Variants in ZFAND3 observed in about 807,000 individuals in gnomAD.
ZFAND3 encodes AN1-type zinc finger protein 3.
In ZFAND3, 10 loss-of-function variants were observed where a neutral mutation model predicts 29.6. The ratio of observed to expected loss-of-function variants is 0.34; its 90% CI spans 0.21 to 0.57. The LOEUF is 0.57. Ranked by LOEUF, ZFAND3 falls within the 20% of genes least tolerant of loss-of-function variation. The pLI is 0.86. For synonymous variants in ZFAND3, 128 were observed against 112.6 expected (o/e 1.14, Z -0.87); for missense variants, 230 against 304.5 (o/e 0.76, Z 1.82).
intron 2 of ZFAND3, among the ~76,000 whole-genome samples, chr6:37,949,597 C>T (rs560885388): frequency 6.6e-6 from 1 of 152,330 alleles, no homozygotes; most frequent in South Asian, 2.1e-4. Context: ...TTCTGACACA[C>T]ACATCAAGTT....
intron 5 of ZFAND3, among the ~76,000 whole-genome samples, chr6:38,145,084 A>G (rs1581958557): frequency 6.6e-6 from 1 of 152,188 alleles, no homozygotes; most frequent in Non-Finnish European, 1.5e-5. Flanking sequence ...CCAAGGGTAG[A>G]GGCCTCACCT....
At chr6:37,962,584 A>G (rs1434383678) in intron 2 of ZFAND3, among the ~76,000 whole-genome samples, 2 of 152,200 alleles carry the variant, frequency 1.3e-5, no homozygotes, top group African/African-American at 2.4e-5. Flanking sequence ...CTCTGTGTCT[A>G]GCTAAAGGTT....
chr6:37,963,107 T>C (rs115180948), intron 2 of ZFAND3, among the ~76,000 whole-genome samples: 1 of 152,114 alleles, frequency 6.6e-6, no homozygotes, highest in Admixed American at 6.5e-5. Context: ...CTTTATGAAC[T>C]GTAACACTCG....
chr6:38,024,587 G>A (rs1489412979), intron 2 of ZFAND3, among the ~76,000 whole-genome samples: 1 of 152,174 alleles, frequency 6.6e-6, no homozygotes, highest in Admixed American at 6.5e-5. Context: ...TAAATAAATG[G>A]TGGTATATCC....
At chr6:37,902,169 C>T (rs1360361019) in intron 1 of ZFAND3, among the ~76,000 whole-genome samples, 1 of 152,062 alleles carries the variant, frequency 6.6e-6, no homozygotes, top group Non-Finnish European at 1.5e-5. Context: ...AGCATTATGG[C>T]CAGGTACAGT....
chr6:38,041,241 G>C lies in ZFAND3; in HGVS notation c.113-20352G>C, dbSNP rs546333892. Among the ~76,000 whole-genome samples, 470 of 152,236 alleles carry C rather than the reference G, an allele frequency of 3.1e-3. 3 individuals are homozygous for C. The highest frequency in any genetic ancestry group is 0.011 in the African/African-American group (447 of 41,538). ...AGGAAGCATGTGATTAAGGTAGTGTGCTCATGTCTCTCCACTATAAAATTC... is the reference window on the plus strand; with the variant it reads ...AGGAAGCATGTGATTAAGGTAGTGTCCTCATGTCTCTCCACTATAAAATTC... On this transcript the variant is annotated intron_variant, in intron 2 of 5. Transcript: ENST00000287218.
At chr6:38,062,805 G>A (rs1400205265) in intron 3 of ZFAND3, 1 of 152,100 alleles carries the variant, frequency 6.6e-6, no homozygotes, top group East Asian at 1.9e-4. Context: ...AAATTATAGG[G>A]ATATTATGAC....
intron 2 of ZFAND3, among the ~76,000 whole-genome samples, chr6:38,007,558 AG>A (rs1561964143): frequency 6.6e-6 from 1 of 152,186 alleles, no homozygotes; most frequent in East Asian, 1.9e-4. Context: ...TTAAAAAAAA[AG>A]ATCACTTAGT....
chr6:37,957,539 T>C (rs142554476), intron 2 of ZFAND3, among the ~76,000 whole-genome samples: 81 of 152,280 alleles, frequency 5.3e-4, no homozygotes, highest in African/African-American at 1.9e-3. Flanking sequence ...TAATAAAATA[T>C]ATTGGTAAGC....
At chr6:38,079,800 A>G (rs1370229435) in intron 3 of ZFAND3, among the ~76,000 whole-genome samples, 1 of 152,116 alleles carries the variant, frequency 6.6e-6, no homozygotes, top group Non-Finnish European at 1.5e-5. Flanking sequence ...CTGGTTTATA[A>G]AAGTACACTA....
chr6:37,917,557 T>G (rs1027838104), intron 1 of ZFAND3, among the ~76,000 whole-genome samples: 7 of 152,358 alleles, frequency 4.6e-5, no homozygotes, highest in Non-Finnish European at 1.0e-4. Flanking sequence ...GAGGCAGAGA[T>G]AGAAAAGATG....
chr6:37,921,810 C>T (rs1354120598), intron 1 of ZFAND3, among the ~76,000 whole-genome samples: 1 of 150,650 alleles, frequency 6.6e-6, no homozygotes, highest in Non-Finnish European at 1.5e-5. Flanking sequence ...CTTTGGGTGG[C>T]TGAGGCAGGT....
intron 2 of ZFAND3, among the ~76,000 whole-genome samples, chr6:37,962,919 C>G (rs1762224080): frequency 6.6e-6 from 1 of 151,802 alleles, no homozygotes; most frequent in Non-Finnish European, 1.5e-5. Context: ...AGCGAGACCA[C>G]GAACCCACTG....
At chr6:37,957,172 T>TC (rs752749507) in intron 2 of ZFAND3, among the ~76,000 whole-genome samples, 2 of 152,112 alleles carry the variant, frequency 1.3e-5, no homozygotes, top group Non-Finnish European at 2.9e-5. Flanking sequence ...TTAAGCAAGT[T>TC]CCCCCCCTTT....
rs572334249 is a variant in ZFAND3 at position 37,839,780 on chromosome 6, T to C, written c.71+19764T>C. On this transcript the variant is annotated intron_variant, in intron 1 of 5. Transcript: ENST00000287218. Reference sequence around the variant, plus strand: ...CACCTGCCTCCGCCTCCCAAAGTGCTGGGATTACAGGCTTGAGCCACCGCA... The same window carrying C: ...CACCTGCCTCCGCCTCCCAAAGTGCCGGGATTACAGGCTTGAGCCACCGCA... 7.8e-4 allele frequency among the ~76,000 whole-genome samples: 119 copies of C among 152,210 alleles called. 1 individual carries two copies. Among genetic ancestry groups the C allele is most frequent in the Admixed American group, 3.3e-3 (51 of 15,278 alleles).
At chr6:38,075,110 T>C (rs1253437137) in intron 3 of ZFAND3, among the ~76,000 whole-genome samples, 1 of 152,218 alleles carries the variant, frequency 6.6e-6, no homozygotes, top group Non-Finnish European at 1.5e-5. Context: ...TAACACAGCA[T>C]TGATTCTGTA....
At chr6:38,115,967 C>G (rs1489071089) in intron 4 of ZFAND3, among the ~76,000 whole-genome samples, 1 of 152,118 alleles carries the variant, frequency 6.6e-6, no homozygotes, top group African/African-American at 2.4e-5. Context: ...AGCAGAGGTG[C>G]CCCTTCATTC....
intron 2 of ZFAND3, among the ~76,000 whole-genome samples, chr6:38,006,215 G>A (rs1763045981): frequency 6.6e-6 from 1 of 152,050 alleles, no homozygotes; most frequent in Non-Finnish European, 1.5e-5. Context: ...AAGGAGTTGG[G>A]GAAGAAAGTG....
chr6:38,144,206 TATATAATATATAATA>T lies in ZFAND3; in HGVS notation c.530-8028_530-8014del, dbSNP rs1581957184. ...TATAATATATATATATATATATATA[TATATAATATATAATA>T]TATATATATATTTTTTTTTTAATAA... On this transcript the variant is annotated intron_variant, in intron 5 of 5. Coordinates refer to ENST00000287218, the MANE Select transcript of ZFAND3 (RefSeq NM_021943.3). 1.6e-4 allele frequency among the ~76,000 whole-genome samples: 7 copies of T among 44,274 alleles called. No individual in the cohort carries two copies. In the East Asian group the frequency reaches 2.2e-3, roughly 14 times the overall value. 29.0% of individuals were successfully genotyped at this position (44,274 alleles called of 152,430 possible). A position where few individuals can be genotyped will look rare whatever the true frequency, so the allele number is the denominator to read the frequency against.
Sources: allele counts gnomAD v4.1 joint callset (sites outside exome capture counted in the v4.1 genomes callset), GRCh38; gene constraint gnomAD v4.1.1; transcripts MANE v1.5; gene names NCBI Gene and HGNC (gene_info 2026-07-23, HGNC 2026-07-21).